The following PRKCA variants were observed in gnomAD, a reference collection of about 807,000 sequenced individuals.
The protein encoded by PRKCA is protein kinase C alpha, also known as protein kinase C alpha type.
PRKCA carries 27 observed loss-of-function variants against 87.0 expected under a neutral mutation model. The observed-to-expected ratio is 0.31, with a 90% CI of 0.23 to 0.43. PRKCA has a LOEUF of 0.43. Ranked by LOEUF, PRKCA falls within the 20% of genes least tolerant of loss-of-function variation. The pLI is 1.00. For synonymous variants in PRKCA, 329 were observed against 311.1 expected (o/e 1.06, Z -0.61); for missense variants, 518 against 852.3 (o/e 0.61, Z 4.88).
chr17:66,555,149 A>T (rs1968457507), intron 3 of PRKCA, among the ~76,000 whole-genome samples: 1 of 152,186 alleles, frequency 6.6e-6, no homozygotes, highest in African/African-American at 2.4e-5. Flanking sequence ...AAGTGGTGGG[A>T]TTACAGGCGT....
At chr17:66,637,134 T>C (rs1266286870) in intron 3 of PRKCA, among the ~76,000 whole-genome samples, 1 of 152,170 alleles carries the variant, frequency 6.6e-6, no homozygotes, top group African/African-American at 2.4e-5. Context: ...CATATGGCTG[T>C]TGCGTGAGTA....
intron 3 of PRKCA, among the ~76,000 whole-genome samples, chr17:66,634,416 C>T (rs970738670): frequency 6.6e-6 from 1 of 152,148 alleles, no homozygotes; most frequent in Non-Finnish European, 1.5e-5. Flanking sequence ...TGACAGGCTG[C>T]CAGTTCCTGG....
intron 5 of PRKCA, among the ~76,000 whole-genome samples, chr17:66,657,804 A>C (rs1362189091): frequency 6.6e-6 from 1 of 151,924 alleles, no homozygotes; most frequent in Non-Finnish European, 1.5e-5. Flanking sequence ...TATGGCAGGG[A>C]CTCTGTTATC....
intron 3 of PRKCA, among the ~76,000 whole-genome samples, chr17:66,633,172 A>G (rs2143757330): frequency 6.6e-6 from 1 of 152,330 alleles, no homozygotes; most frequent in South Asian, 2.1e-4. Flanking sequence ...AGCTTTACTG[A>G]GTACATGATA....
chr17:66,527,157 A>T (rs1967372053), intron 3 of PRKCA, among the ~76,000 whole-genome samples: 1 of 152,158 alleles, frequency 6.6e-6, no homozygotes, highest in Non-Finnish European at 1.5e-5. Flanking sequence ...GTTTGATATG[A>T]TGCAACTGGA....
chr17:66,609,959 C>T (rs1970306390), intron 3 of PRKCA, among the ~76,000 whole-genome samples: 2 of 151,950 alleles, frequency 1.3e-5, no homozygotes, highest in Non-Finnish European at 2.9e-5. Flanking sequence ...AGACACCAAC[C>T]GGGTGTCCTA....
intron 2 of PRKCA, among the ~76,000 whole-genome samples, chr17:66,413,615 T>C (rs530935953): frequency 6.6e-6 from 1 of 152,138 alleles, no homozygotes; most frequent in Admixed American, 6.5e-5. Context: ...AAGCTCCCAT[T>C]ACCCAACAGA....
chr17:66,592,146 G>A (rs1363971043), intron 3 of PRKCA, among the ~76,000 whole-genome samples: 1 of 152,116 alleles, frequency 6.6e-6, no homozygotes, highest in African/African-American at 2.4e-5. Flanking sequence ...CCTGAGGTCA[G>A]GAGTTTGAGA....
At chr17:66,466,885 A>G (rs1376621356) in intron 2 of PRKCA, among the ~76,000 whole-genome samples, 1 of 152,032 alleles carries the variant, frequency 6.6e-6, no homozygotes, top group Non-Finnish European at 1.5e-5. Context: ...AAAAAAAAAA[A>G]AGACTTAAAT....
chr17:66,575,353 C>T (rs541149096), intron 3 of PRKCA, among the ~76,000 whole-genome samples: 6 of 152,086 alleles, frequency 3.9e-5, no homozygotes, highest in Admixed American at 2.0e-4. Flanking sequence ...CCGCGGTGGG[C>T]GGATCACCTG....
At chr17:66,789,950 C>A (rs1197431137) in intron 16 of PRKCA, among the ~76,000 whole-genome samples, 1 of 152,246 alleles carries the variant, frequency 6.6e-6, no homozygotes, top group African/African-American at 2.4e-5. Flanking sequence ...AAGGGCCGGG[C>A]GGACTGTGCC....
At chr17:66,716,479 G>A (rs1166744407) in intron 8 of PRKCA, among the ~76,000 whole-genome samples, 2 of 152,160 alleles carry the variant, frequency 1.3e-5, no homozygotes, top group Admixed American at 1.3e-4. Context: ...CATTGTTGCA[G>A]ATGGAAAAAC....
At position 66,661,624 on chromosome 17, in the gene PRKCA, T is replaced by C. The variant is rs1971906367; in HGVS notation, c.529+16113T>C. ...AACAGCCAAGGGTAAAGAAAAAAAC[T>C]TGATTGAGTGACATTTGTCCAATTC... On this transcript the variant is annotated intron_variant, in intron 5 of 16. Coordinates refer to ENST00000413366, the MANE Select transcript of PRKCA (RefSeq NM_002737.3). Among the ~76,000 whole-genome samples the C allele has an allele frequency of 3.9e-5, 6 of 152,312 alleles. No homozygotes were observed. In the South Asian group the frequency reaches 1.2e-3, roughly 32 times the overall value.
At chr17:66,610,773 G>A (rs565766824) in intron 3 of PRKCA, among the ~76,000 whole-genome samples, 1 of 152,280 alleles carries the variant, frequency 6.6e-6, no homozygotes, top group South Asian at 2.1e-4. Flanking sequence ...CCTATTGATT[G>A]GGGTTGGACT....
intron 2 of PRKCA, among the ~76,000 whole-genome samples, chr17:66,477,291 C>T (rs1365976660): frequency 3.3e-5 from 5 of 152,188 alleles, no homozygotes; most frequent in Non-Finnish European, 5.9e-5. Flanking sequence ...AAGGCATAAA[C>T]GTAACAGCAG....
intron 3 of PRKCA, among the ~76,000 whole-genome samples, chr17:66,540,526 C>T (rs570819853): frequency 1.3e-3 from 191 of 152,276 alleles, no homozygotes; most frequent in Non-Finnish European, 2.0e-3. Flanking sequence ...GGCGGGCTGC[C>T]GTGCGGGGGC....
chr17:66,701,695 C>G (rs1469525705), intron 8 of PRKCA, among the ~76,000 whole-genome samples: 1 of 151,904 alleles, frequency 6.6e-6, no homozygotes, highest in Non-Finnish European at 1.5e-5. Flanking sequence ...TACAAATGGC[C>G]AACAGGTAAA....
chr17:66,562,888 G>A (rs2143320409), intron 3 of PRKCA, among the ~76,000 whole-genome samples: 1 of 152,224 alleles, frequency 6.6e-6, no homozygotes, highest in Non-Finnish European at 1.5e-5. Flanking sequence ...TGAACACTGT[G>A]CCTGGCCAGC....
At chr17:66,784,579 C>T (rs928398591) in intron 14 of PRKCA, among the ~76,000 whole-genome samples, 5 of 152,180 alleles carry the variant, frequency 3.3e-5, no homozygotes, top group Admixed American at 6.5e-5. Flanking sequence ...AAATCTCCTT[C>T]GCCAAAACTC....
Sources: allele counts gnomAD v4.1 joint callset (sites outside exome capture counted in the v4.1 genomes callset), GRCh38; gene constraint gnomAD v4.1.1; transcripts MANE v1.5; gene names NCBI Gene and HGNC (gene_info 2026-07-23, HGNC 2026-07-21).